Variants in MBD2 observed in about 807,000 individuals in gnomAD.
MBD2 encodes methyl-CpG-binding domain protein 2.
A neutral mutation model predicts 39.3 loss-of-function variants in MBD2; 9 were observed. The ratio of observed to expected loss-of-function variants is 0.23; its 90% CI spans 0.14 to 0.40. The LOEUF (loss-of-function observed/expected upper bound fraction) is 0.40. MBD2 is among the 10% of genes least tolerant of loss of function. The pLI is 1.00. For synonymous variants in MBD2, 233 were observed against 211.1 expected, an observed-to-expected ratio of 1.10 and a Z score of -0.90; for missense variants, 458 against 532.6, an observed-to-expected ratio of 0.86 and a Z score of 1.38.
chr18:54,164,698 C>A lies in MBD2; in HGVS notation c.934G>T (p.Val312Phe). ...GTCTCATCATTGCTACCTGGACCAA[C>A]TCCTGCAATGAGAAACAAGTACTAG... Reference protein sequence around the residue: ...TMELPKGLQGVGPGSNDETLL... With the variant: ...TMELPKGLQGFGPGSNDETLL... Residue 312 changes from valine (V) to phenylalanine (F), a missense_variant and splice_region_variant, in exon 5 of 7, where the codon GTT (valine) becomes TTT (phenylalanine). This residue lies in a region of MBD2 where 189 missense variants were observed against 296.6 expected (regional missense o/e 0.64). Transcript: ENST00000256429. 8 of 1,597,050 alleles carry A rather than the reference C, an allele frequency of 5.0e-6. No homozygotes were observed. Among genetic ancestry groups the A allele is most frequent in the Non-Finnish European group, 6.9e-6 (8 of 1,165,516 alleles).
At chr18:54,192,946 A>G (rs2086332972) in intron 2 of MBD2, among the ~76,000 whole-genome samples, 1 of 152,222 alleles carries the variant, frequency 6.6e-6, no homozygotes, top group South Asian at 2.1e-4. Context: ...GTGCTGCATT[A>G]TTCTTCACTC....
rs763077704 is a variant in MBD2, at chr18:54,164,624, G to T, written c.1008C>A (p.Ile336=). Residue 336 remains isoleucine (I), a synonymous_variant, in exon 5 of 7, where the codon ATC becomes ATA. Coordinates refer to ENST00000256429, the MANE Select transcript of MBD2 (RefSeq NM_003927.5). The part of the protein sequence containing the change: ...ASALHTSSAP[I]TGQVSAAVEK... ...CCACAGCAGCGGAGACTTGCCCTGT[G>T]ATTGGCGCAGAGCTTGTGTGCAAAG... 1.9e-6 allele frequency: 3 copies of T among 1,614,208 alleles called. No individual in the cohort carries two copies. In the South Asian group the frequency reaches 3.3e-5, roughly 18 times the overall value.
At chr18:54,203,968 G>C (rs1165581503) in intron 2 of MBD2, among the ~76,000 whole-genome samples, 1 of 152,216 alleles carries the variant, frequency 6.6e-6, no homozygotes, top group Non-Finnish European at 1.5e-5. Flanking sequence ...ATGAGAAACT[G>C]AAGGCCCTTG....
At chr18:54,183,040 C>A (rs1376099441) in intron 3 of MBD2, among the ~76,000 whole-genome samples, 2 of 152,126 alleles carry the variant, frequency 1.3e-5, no homozygotes, top group Non-Finnish European at 2.9e-5. Flanking sequence ...ATAGGACTTG[C>A]TGGCTAAATA....
chr18:54,175,315 A>G (rs2086204194), intron 3 of MBD2, among the ~76,000 whole-genome samples: 2 of 152,220 alleles, frequency 1.3e-5, no homozygotes, highest in Admixed American at 6.5e-5. Flanking sequence ...GCAACTTCAG[A>G]CTGACTAGAA....
intron 1 of MBD2, among the ~76,000 whole-genome samples, chr18:54,219,263 A>T (rs997590078): frequency 2.0e-5 from 3 of 152,252 alleles, no homozygotes; most frequent in Admixed American, 6.5e-5. Flanking sequence ...AAACTACAAA[A>T]TGCATAGCCT....
In MBD2 at chr18:54,152,542, A is replaced by G. The variant is rs1488143472; in HGVS notation, c.*2782T>C. The G allele has an allele frequency of 6.6e-6, 1 of 152,250 alleles. No individual in the cohort carries two copies. The highest frequency in any genetic ancestry group is 1.5e-5 in the Non-Finnish European group (1 of 68,044). The allele number at this position is 152,250 out of a possible 1,614,324, so 9.4% of individuals were successfully genotyped here. A position where few individuals can be genotyped will look rare whatever the true frequency, so the allele number is the denominator to read the frequency against. The stretch of plus-strand genomic sequence containing the variant: ...ACACATCCTTGCTCTCATGGAGCTT[A>G]CATTCTAGTAGAGAAATAGACAAAA... On this transcript the variant is annotated 3_prime_UTR_variant, in exon 7 of 7. Coordinates refer to ENST00000256429, the MANE Select transcript of MBD2 (RefSeq NM_003927.5).
At chr18:54,200,081 T>A (rs964814821) in intron 2 of MBD2, among the ~76,000 whole-genome samples, 1 of 152,168 alleles carries the variant, frequency 6.6e-6, no homozygotes, top group Non-Finnish European at 1.5e-5. Flanking sequence ...TAAACCAAGA[T>A]CATTCATGAG....
At chr18:54,164,058 A>C (rs1555659814) in intron 5 of MBD2, among the ~76,000 whole-genome samples, 1 of 151,932 alleles carries the variant, frequency 6.6e-6, no homozygotes, top group Non-Finnish European at 1.5e-5. Context: ...TAATTGTTAA[A>C]AATTTTTTGT....
intron 1 of MBD2, among the ~76,000 whole-genome samples, chr18:54,205,955 C>CAT (rs1221433697): frequency 1.4e-5 from 2 of 144,482 alleles, no homozygotes; most frequent in Non-Finnish European, 3.0e-5. Context: ...AAAACACACA[C>CAT]ATACACACAC....
In MBD2 at chr18:54,152,555, G is replaced by A. The variant is rs908885123; in HGVS notation, c.*2769C>T. On this transcript the variant is annotated 3_prime_UTR_variant, in exon 7 of 7. Transcript: ENST00000256429. ...CTCATGGAGCTTACATTCTAGTAGA[G>A]AAATAGACAAAAAGCCAACAAATAA... 1 of 152,180 alleles carries A rather than the reference G, an allele frequency of 6.6e-6. No homozygotes were observed. The highest frequency in any genetic ancestry group is 1.9e-4 in the East Asian group (1 of 5,198). 9.4% of individuals were successfully genotyped at this position (152,180 alleles called of 1,614,324 possible). A position where few individuals can be genotyped will look rare whatever the true frequency, so the allele number is the denominator to read the frequency against.
In MBD2 at chr18:54,180,805, T is replaced by G. The variant is rs538764965; in HGVS notation, c.840+8069A>C. Among the ~76,000 whole-genome samples the G allele has an allele frequency of 4.6e-5, 7 of 151,142 alleles. No homozygotes were observed. The East Asian group carries it at 1.2e-3, about 25-fold the overall frequency. ...ATAAAAAAAGTTCACAGATCCTCCC[T>G]CATGACAGTTGTCATGTTTTTAAAA... On this transcript the variant is annotated intron_variant, in intron 3 of 6. Coordinates refer to ENST00000256429, the MANE Select transcript of MBD2 (RefSeq NM_003927.5).
intron 1 of MBD2, among the ~76,000 whole-genome samples, chr18:54,218,168 T>G (rs1476798563): frequency 6.6e-6 from 1 of 152,232 alleles, no homozygotes; most frequent in African/African-American, 2.4e-5. Flanking sequence ...CAAACCTCAA[T>G]ATCTGAGAAA....
chr18:54,166,985 C>T (rs946234011), intron 3 of MBD2, among the ~76,000 whole-genome samples: 2 of 152,188 alleles, frequency 1.3e-5, no homozygotes, highest in African/African-American at 4.8e-5. Context: ...TTATTGAGCT[C>T]CTACTAGGTG....
chr18:54,192,303 G>A (rs1361364725), intron 2 of MBD2, among the ~76,000 whole-genome samples: 1 of 152,166 alleles, frequency 6.6e-6, no homozygotes, highest in African/African-American at 2.4e-5. Flanking sequence ...CGCGATCTTG[G>A]CTCACTGCAA....
rs113156706 is a variant in MBD2, at chr18:54,157,263, A to AT, written c.*13-1953dup. The stretch of plus-strand genomic sequence containing the variant: ...AACAGCACTGAACTGGATTGAAATG[A>AT]TTTTTTTTTTTTTTTGAGACAGAGT... On this transcript the variant is annotated intron_variant, in intron 6 of 6. Transcript: ENST00000256429. Among the ~76,000 whole-genome samples the AT allele has an allele frequency of 2.6e-3, 374 of 143,850 alleles. 4 individuals carry two copies. The highest frequency in any genetic ancestry group is 8.6e-3 in the South Asian group (39 of 4,510). The allele number at this position is 143,850 out of a possible 152,430, so 94.4% of individuals were successfully genotyped here.
In MBD2 at chr18:54,188,885, G is replaced by T. The variant is rs1260501801; in HGVS notation, c.829C>A (p.Gln277Lys). 1.9e-6 allele frequency: 3 copies of T among 1,607,956 alleles called. No individual in the cohort carries two copies. The African/African-American group carries it at 4.0e-5, about 21-fold the overall frequency. Residue 277 changes from glutamine to lysine, a missense_variant, in exon 3 of 7, where the codon CAG (glutamine) becomes AAG (lysine). Around this residue, in one of 2 missense-constraint regions of MBD2, gnomAD observed 189 missense variants for 296.6 expected, o/e 0.64. Transcript: ENST00000256429. The part of the protein sequence containing the change: ...VKSDPQRMNE[Q>K]PRQLFWEKRL... The stretch of plus-strand genomic sequence containing the variant: ...AATTAGATCCTTACCTGACGTGGCT[G>T]TTCATTCATTCGTTGTGGGTCTGAT...
chr18:54,164,729 G>A (rs1264371187), intron 4 of MBD2, 29 bp from the exon 5 acceptor site: 2 of 1,575,750 alleles, frequency 1.3e-6, no homozygotes, highest in Non-Finnish European at 1.7e-6. Flanking sequence ...ACTAGTTAAA[G>A]GAAATGTCTC....
Position 54,211,386 on chromosome 18 carries a change from T to TACACACACAC in MBD2, c.543-6230_543-6229insGTGTGTGTGT, listed in dbSNP as rs1402095105. Reference sequence around the variant, plus strand: ...AAATTAAAAGAATGTATATTATTGCTATACACACACACACACACACACACA... The same window carrying TACACACACAC: ...AAATTAAAAGAATGTATATTATTGCTACACACACACATACACACACACACACACACACACA... On this transcript the variant is annotated intron_variant, in intron 1 of 6. Transcript: ENST00000256429. 1.2e-4 allele frequency among the ~76,000 whole-genome samples: 8 copies of TACACACACAC among 64,914 alleles called. No individual in the cohort carries two copies. In the East Asian group the frequency reaches 8.3e-3, roughly 67 times the overall value. The allele number at this position is 64,914 out of a possible 152,430, so 42.6% of individuals were successfully genotyped here.
Sources: gnomAD v4.1 joint callset for allele counts (sites outside exome capture counted in the v4.1 genomes callset) on GRCh38, gnomAD v4.1.1 for gene constraint, gnomAD v4.1.1 regional missense constraint, MANE v1.5 for transcripts, NCBI Gene and HGNC (gene_info 2026-07-23, HGNC 2026-07-21) for gene names.